Variants in BTBD9 observed in about 807,000 individuals in gnomAD.
BTBD9 encodes the protein BTB/POZ domain-containing protein 9.
In BTBD9, 49 loss-of-function variants were observed where a neutral mutation model predicts 64.3. The observed-to-expected ratio is 0.76, with a 90% CI of 0.61 to 0.97. The LOEUF is 0.97. BTBD9 is among the 50% of genes least tolerant of loss of function. The pLI is 0.00. For synonymous variants in BTBD9, 260 were observed against 274.7 expected (o/e 0.95, Z 0.53); for missense variants, 598 against 762.1 (o/e 0.78, Z 2.53).
At chr6:38,486,745 A>T (rs1771449454) in intron 6 of BTBD9, among the ~76,000 whole-genome samples, 1 of 152,276 alleles carries the variant, frequency 6.6e-6, no homozygotes, top group Non-Finnish European at 1.5e-5. Context: ...GAGAATTACC[A>T]AAATGTGACA....
At chr6:38,463,519 C>T (rs998143581) in intron 6 of BTBD9, among the ~76,000 whole-genome samples, 2 of 152,142 alleles carry the variant, frequency 1.3e-5, no homozygotes, top group African/African-American at 2.4e-5. Flanking sequence ...TCTAGAGATG[C>T]CCTTGATCAG....
chr6:38,202,178 A>G (rs1762489661), intron 9 of BTBD9, among the ~76,000 whole-genome samples: 1 of 149,712 alleles, frequency 6.7e-6, no homozygotes, highest in South Asian at 2.1e-4. Context: ...TCCACCCCAC[A>G]AGCTCAAGCG....
chr6:38,381,566 T>C (rs142920761), intron 6 of BTBD9, among the ~76,000 whole-genome samples: 75 of 152,292 alleles, frequency 4.9e-4, no homozygotes, highest in Admixed American at 1.8e-3. Flanking sequence ...AGAAAAAATA[T>C]AGAATATTTG....
chr6:38,604,517 C>T (rs561640634), intron 1 of BTBD9, among the ~76,000 whole-genome samples: 1 of 152,086 alleles, frequency 6.6e-6, no homozygotes, highest in Non-Finnish European at 1.5e-5. Context: ...GACAGAAACA[C>T]AAAGATTAAT....
At chr6:38,492,140 A>T (rs1215477528) in intron 6 of BTBD9, among the ~76,000 whole-genome samples, 1 of 152,188 alleles carries the variant, frequency 6.6e-6, no homozygotes, top group Non-Finnish European at 1.5e-5. Context: ...TCTATAATAC[A>T]CAAAGAAACA....
At chr6:38,176,111 C>T (rs192073704) in intron 10 of BTBD9, among the ~76,000 whole-genome samples, 102 of 152,262 alleles carry the variant, frequency 6.7e-4, no homozygotes, top group African/African-American at 2.4e-3. Flanking sequence ...GAGTAGACAA[C>T]GTGCTTCGGG....
At chr6:38,435,402 A>C (rs1056377910) in intron 6 of BTBD9, among the ~76,000 whole-genome samples, 33 of 151,660 alleles carry the variant, frequency 2.2e-4, no homozygotes, top group Non-Finnish European at 4.6e-4. Flanking sequence ...CAGGAGGCTA[A>C]GGCAGAGAAT....
At chr6:38,473,673 T>G (rs1363812007) in intron 6 of BTBD9, among the ~76,000 whole-genome samples, 1 of 152,180 alleles carries the variant, frequency 6.6e-6, no homozygotes, top group African/African-American at 2.4e-5. Context: ...CAGTGATAGG[T>G]ACTGGGTAAA....
At chr6:38,409,230 A>T (rs796112336) in intron 6 of BTBD9, among the ~76,000 whole-genome samples, 2 of 152,298 alleles carry the variant, frequency 1.3e-5, no homozygotes, top group South Asian at 4.1e-4. Flanking sequence ...AGCCTGGGTG[A>T]CAGAGACAGA....
chr6:38,331,952 A>T (rs897884840), intron 7 of BTBD9, among the ~76,000 whole-genome samples: 3 of 152,256 alleles, frequency 2.0e-5, no homozygotes, highest in Admixed American at 2.0e-4. Context: ...TACATATAAA[A>T]CATTTTTAAT....
chr6:38,620,936 C>T (rs376781959), intron 1 of BTBD9, among the ~76,000 whole-genome samples: 60 of 152,276 alleles, frequency 3.9e-4, no homozygotes, highest in African/African-American at 1.1e-3. Flanking sequence ...GGCCCTAGTA[C>T]AAGCTCTAGC....
rs1158999418 is a variant in BTBD9 at position 38,598,083 on chromosome 6, G to A, written c.12C>T (p.Ser4=). 1 of 1,612,752 alleles carries A rather than the reference G, an allele frequency of 6.2e-7. No homozygotes were observed. The highest frequency in any genetic ancestry group is 8.5e-7 in the Non-Finnish European group (1 of 1,179,428). Residue 4 remains serine, a synonymous_variant, in exon 2 of 11, where the codon AGC becomes AGT. Coordinates refer to ENST00000481247, the MANE Select transcript of BTBD9 (RefSeq NM_001099272.2). The part of the protein sequence containing the change: MSN[S]HPLRPFTAVG... ...CTGCAGTAAAGGGGCGAAGAGGGTG[G>A]CTGTTACTCATCTTGTGGAATAGAC...
intron 1 of BTBD9, among the ~76,000 whole-genome samples, chr6:38,599,494 T>C (rs548235544): frequency 5.7e-4 from 87 of 152,302 alleles, no homozygotes; most frequent in African/African-American, 2.0e-3. Context: ...CTGGCAAGTA[T>C]GTCAGAGGCT....
chr6:38,248,954 A>T (rs1764299518), intron 9 of BTBD9, among the ~76,000 whole-genome samples: 1 of 152,226 alleles, frequency 6.6e-6, no homozygotes, highest in South Asian at 2.1e-4. Context: ...ACCCACATCC[A>T]GCCATGTCAC....
At chr6:38,423,337 T>A (rs921342806) in intron 6 of BTBD9, among the ~76,000 whole-genome samples, 6 of 152,106 alleles carry the variant, frequency 3.9e-5, no homozygotes, top group African/African-American at 1.4e-4. Context: ...TAGGGTTTTG[T>A]TCTGTTACCC....
At chr6:38,343,021 G>A (rs960588588) in intron 7 of BTBD9, among the ~76,000 whole-genome samples, 3 of 152,140 alleles carry the variant, frequency 2.0e-5, no homozygotes, top group Non-Finnish European at 4.4e-5. Context: ...TCTGGCAAGC[G>A]CATGTACATA....
chr6:38,554,378 GAAAAATA>G (rs1774932010), intron 6 of BTBD9, among the ~76,000 whole-genome samples: 1 of 152,110 alleles, frequency 6.6e-6, no homozygotes, highest in Non-Finnish European at 1.5e-5. Context: ...TCCAATAAAA[GAAAAATA>G]AATGGAAGTG....
At chr6:38,176,122 G>T (rs547953795) in intron 10 of BTBD9, among the ~76,000 whole-genome samples, 1 of 152,172 alleles carries the variant, frequency 6.6e-6, no homozygotes, top group African/African-American at 2.4e-5. Context: ...GTGCTTCGGG[G>T]GGTCCTGACA....
At chr6:38,298,163 A>G (rs892025938) in intron 7 of BTBD9, among the ~76,000 whole-genome samples, 2 of 151,974 alleles carry the variant, frequency 1.3e-5, no homozygotes, top group South Asian at 2.1e-4. Flanking sequence ...CCTCTGCTCC[A>G]GTTTTCTAAG....
Sources: allele counts gnomAD v4.1 joint callset (sites outside exome capture counted in the v4.1 genomes callset), GRCh38; gene constraint gnomAD v4.1.1; transcripts MANE v1.5; gene names NCBI Gene and HGNC (gene_info 2026-07-23, HGNC 2026-07-21).